Variants in MICU3 observed in about 807,000 individuals in gnomAD.
The protein encoded by MICU3 is mitochondrial calcium uptake 3, also known as calcium uptake protein 3, mitochondrial.
Under a neutral mutation model 66.5 loss-of-function variants are expected in MICU3, and 62 were observed. That is an observed-to-expected ratio of 0.93 (90% CI 0.76 to 1.15). MICU3 has a LOEUF of 1.15. Ranked by LOEUF, MICU3 falls within the 50% of genes most tolerant of loss-of-function variation. MICU3 has a pLI of 0.00. For synonymous variants in MICU3, 308 were observed against 240.7 expected (o/e 1.28, Z -2.59); for missense variants, 779 against 664.4 (o/e 1.17, Z -1.90).
intron 1 of MICU3, among the ~76,000 whole-genome samples, chr8:17,050,317 A>T (rs1815845312): frequency 6.6e-6 from 1 of 151,684 alleles, no homozygotes; most frequent in Admixed American, 6.6e-5. Flanking sequence ...TCTATAATGT[A>T]TATATTTTAT....
chr8:17,040,841 TC>T (rs1211869685), intron 1 of MICU3, among the ~76,000 whole-genome samples: 4 of 152,168 alleles, frequency 2.6e-5, no homozygotes. Context: ...AATGGAAAAT[TC>T]TAGGGTTTTA....
At chr8:17,035,732 T>C (rs1050385733) in intron 1 of MICU3, among the ~76,000 whole-genome samples, 13 of 152,116 alleles carry the variant, frequency 8.5e-5, no homozygotes, top group Non-Finnish European at 4.4e-5. Flanking sequence ...GAATTGGAAG[T>C]TATGTTTAAA....
chr8:17,038,970 A>C (rs561480659), intron 1 of MICU3, among the ~76,000 whole-genome samples: 156 of 150,354 alleles, frequency 1.0e-3, no homozygotes, highest in African/African-American at 3.6e-3. Context: ...AAAAAAAATA[A>C]ATAAATAATA....
chr8:17,095,610 G>A (rs940404673), intron 8 of MICU3, among the ~76,000 whole-genome samples: 8 of 151,816 alleles, frequency 5.3e-5, no homozygotes, highest in Admixed American at 5.3e-4. Context: ...CCTTTATTCA[G>A]ACAGGGTATT....
chr8:17,052,652 G>A (rs1816287778), intron 1 of MICU3, among the ~76,000 whole-genome samples: 1 of 152,154 alleles, frequency 6.6e-6, no homozygotes, highest in Non-Finnish European at 1.5e-5. Flanking sequence ...CTTCAGCTGT[G>A]TGTATTTCCA....
At chr8:17,036,979 G>T (rs551243804) in intron 1 of MICU3, among the ~76,000 whole-genome samples, 1 of 152,350 alleles carries the variant, frequency 6.6e-6, no homozygotes, top group East Asian at 1.9e-4. Context: ...GGCAGCTAAG[G>T]CTCGGCGAGA....
intron 1 of MICU3, among the ~76,000 whole-genome samples, chr8:17,049,242 G>C (rs1815641346): frequency 1.3e-5 from 2 of 152,148 alleles, no homozygotes; most frequent in Admixed American, 1.3e-4. Context: ...GGGTGGTAGA[G>C]CATGAGGCAG....
At chr8:17,061,425 G>C (rs1817805338) in intron 1 of MICU3, among the ~76,000 whole-genome samples, 1 of 152,106 alleles carries the variant, frequency 6.6e-6, no homozygotes, top group South Asian at 2.1e-4. Flanking sequence ...ACAGGGTTTG[G>C]TAAGCTGGGG....
intron 1 of MICU3, 116 bp from the exon 2 acceptor site, chr8:17,063,968 A>T: frequency 3.2e-6 from 2 of 620,768 alleles, no homozygotes; most frequent in East Asian, 2.9e-5. Context: ...TCAGAAGACG[A>T]TATTTTCACA....
chr8:17,059,741 A>G lies in MICU3; in HGVS notation c.382-4343A>G, dbSNP rs529740273. ...AATAAAAGATCCCATTCTCAATTCA[A>G]ATTACACAGAAATTATGAAATGCTT... On this transcript the variant is annotated intron_variant, in intron 1 of 14. Coordinates refer to ENST00000318063, the MANE Select transcript of MICU3 (RefSeq NM_181723.3). Among the ~76,000 whole-genome samples the G allele has an allele frequency of 2.9e-3, 443 of 152,304 alleles. 18 individuals carry two copies. In the South Asian group the frequency reaches 0.082, roughly 28 times the overall value.
chr8:17,072,112 T>C (rs1437313647), intron 3 of MICU3, among the ~76,000 whole-genome samples: 1 of 152,018 alleles, frequency 6.6e-6, no homozygotes, highest in African/African-American at 2.4e-5. Flanking sequence ...AAAAAAACCA[T>C]TGAGATGAGA....
At chr8:17,030,509 ACAC>A (rs1333649937) in intron 1 of MICU3, among the ~76,000 whole-genome samples, 17 of 150,912 alleles carry the variant, frequency 1.1e-4, no homozygotes, top group African/African-American at 3.9e-4. Flanking sequence ...CATATATGTA[ACAC>A]CACTTATGTT....
chr8:17,030,516 T>A (rs1235278840), intron 1 of MICU3, among the ~76,000 whole-genome samples: 1 of 152,188 alleles, frequency 6.6e-6, no homozygotes, highest in Non-Finnish European at 1.5e-5. Context: ...GTAACACCAC[T>A]TATGTTGGTG....
the MICU3 span, chr8:17,131,837 A>G: frequency 6.6e-6 from 1 of 152,220 alleles, no homozygotes; most frequent in Non-Finnish European, 1.5e-5. Context: ...CAAAGGAGAA[A>G]TATTTCCAAA....
At chr8:17,058,536 T>A (rs1817335412) in intron 1 of MICU3, among the ~76,000 whole-genome samples, 1 of 152,324 alleles carries the variant, frequency 6.6e-6, no homozygotes, top group Admixed American at 6.5e-5. Flanking sequence ...ATTGATGTTT[T>A]TTTTTTCTTG....
At chr8:17,054,159 T>C (rs979184857) in intron 1 of MICU3, among the ~76,000 whole-genome samples, 5 of 152,248 alleles carry the variant, frequency 3.3e-5, no homozygotes, top group African/African-American at 1.2e-4. Flanking sequence ...TATATTTTCC[T>C]ATTCGGTGAA....
At chr8:17,113,827 T>C (rs1451660738) in intron 11 of MICU3, among the ~76,000 whole-genome samples, 2 of 150,650 alleles carry the variant, frequency 1.3e-5, no homozygotes, top group African/African-American at 4.9e-5. Context: ...TTATTGGAGC[T>C]TTTTTTTTGG....
intron 4 of MICU3, 133 bp from the exon 5 acceptor site, chr8:17,081,560 A>G (rs916333978): frequency 3.5e-5 from 12 of 347,594 alleles, no homozygotes; most frequent in Non-Finnish European, 3.2e-5. Flanking sequence ...TTCTTTTGTT[A>G]TGATTTTATA....
At chr8:17,119,560 G>GATAGATAA (rs1803027928) in intron 14 of MICU3, among the ~76,000 whole-genome samples, 3 of 149,940 alleles carry the variant, frequency 2.0e-5, no homozygotes, top group Admixed American at 6.6e-5. Context: ...TAGATAGATA[G>GATAGATAA]ATAGATAGAT....
Sources: allele counts gnomAD v4.1 joint callset (sites outside exome capture counted in the v4.1 genomes callset), GRCh38; gene constraint gnomAD v4.1.1; transcripts MANE v1.5; gene names NCBI Gene and HGNC (gene_info 2026-07-23, HGNC 2026-07-21).